The following MAN1A1 variants were observed in gnomAD, a reference collection of about 807,000 sequenced individuals.
MAN1A1 encodes mannosyl-oligosaccharide 1,2-alpha-mannosidase IA.
A neutral mutation model predicts 70.8 loss-of-function variants in MAN1A1; 29 were observed. That is an observed-to-expected ratio of 0.41 (90% CI 0.31 to 0.56). MAN1A1 has a LOEUF of 0.56. Among genes scored for constraint, MAN1A1 ranks in the 20% least tolerant of loss-of-function variants. The pLI is 0.29. For missense variants in MAN1A1, 747 were observed against 841.3 expected (o/e 0.89, Z 1.39); for synonymous variants, 349 against 330.1 (o/e 1.06, Z -0.62).
chr6:119,350,299 T>A (rs1433101573), upstream of MAN1A1, among the ~76,000 whole-genome samples: 1 of 152,148 alleles, frequency 6.6e-6, no homozygotes. Flanking sequence ...AAGGCCGGGG[T>A]TCCCCGGGTG....
At chr6:119,323,907 A>G (rs1160107282) in intron 2 of MAN1A1, among the ~76,000 whole-genome samples, 1 of 152,208 alleles carries the variant, frequency 6.6e-6, no homozygotes, top group Non-Finnish European at 1.5e-5. Flanking sequence ...AGCCTTATAT[A>G]ATATTCAGAA....
intron 6 of MAN1A1, among the ~76,000 whole-genome samples, chr6:119,221,132 G>C (rs1774348892): frequency 6.6e-6 from 1 of 150,936 alleles, no homozygotes; most frequent in Non-Finnish European, 1.5e-5. Context: ...AAATTTCTGA[G>C]CATAAAATAA....
intron 5 of MAN1A1, among the ~76,000 whole-genome samples, chr6:119,271,030 G>C (rs971108589): frequency 7.2e-5 from 11 of 152,016 alleles, no homozygotes; most frequent in African/African-American, 2.7e-4. Context: ...TTTTCCAGGG[G>C]AAAAAGATGC....
In MAN1A1 at chr6:119,177,686, A is replaced by G. The variant is rs1396901826; in HGVS notation, c.*2133T>C. On this transcript the variant is annotated 3_prime_UTR_variant, in exon 13 of 13. Transcript: ENST00000368468. ...TTTTTGGTGTTTTGGGACTTTTGTTAAAAAAAAATCCAAGTTCTAGAATTG... is the reference window on the plus strand; with the variant it reads ...TTTTTGGTGTTTTGGGACTTTTGTTGAAAAAAAATCCAAGTTCTAGAATTG... The G allele has an allele frequency of 6.6e-6, 1 of 151,314 alleles. No homozygotes were observed. Among genetic ancestry groups the G allele is most frequent in the African/African-American group, 2.4e-5 (1 of 41,260 alleles). 9.4% of individuals were successfully genotyped at this position (151,314 alleles called of 1,614,324 possible). A position where few individuals can be genotyped will look rare whatever the true frequency, so the allele number is the denominator to read the frequency against.
rs144596967 is a variant in MAN1A1 at position 119,305,799 on chromosome 6, G to A, written c.700+1097C>T. Among the ~76,000 whole-genome samples, 721 of 152,220 alleles carry A rather than the reference G, an allele frequency of 4.7e-3. 5 individuals carry two copies. Among genetic ancestry groups the A allele is most frequent in the African/African-American group, 0.016 (675 of 41,516 alleles). ...TGTGTAAAGACCTGTGCAAAGACTC[G>A]TATTATTTTCATTATCACCAGTGCT... On this transcript the variant is annotated intron_variant, in intron 3 of 12. Transcript: ENST00000368468.
At chr6:119,182,368 T>C (rs1351798032) in intron 11 of MAN1A1, among the ~76,000 whole-genome samples, 1 of 152,192 alleles carries the variant, frequency 6.6e-6, no homozygotes, top group African/African-American at 2.4e-5. Flanking sequence ...TGTAGTTTCA[T>C]GTGTTTATGT....
At chr6:119,254,268 G>A (rs754218617) in intron 5 of MAN1A1, among the ~76,000 whole-genome samples, 16 of 152,206 alleles carry the variant, frequency 1.1e-4, no homozygotes, top group Non-Finnish European at 1.6e-4. Flanking sequence ...ATGATGGAGA[G>A]AGCCCCGGAC....
rs575717565 is a variant in MAN1A1, at chr6:119,177,426, A to G, written c.*2393T>C. 13 of 152,240 alleles carry G rather than the reference A, an allele frequency of 8.5e-5. No homozygotes were observed. The East Asian group carries it at 2.5e-3, about 29-fold the overall frequency. 9.4% of individuals were successfully genotyped at this position (152,240 alleles called of 1,614,324 possible). A position where few individuals can be genotyped will look rare whatever the true frequency, so the allele number is the denominator to read the frequency against. On this transcript the variant is annotated 3_prime_UTR_variant, in exon 13 of 13. Transcript: ENST00000368468. ...CATTGAGTTCTGTAAACTGCCATAC[A>G]ACTTACATGTGTAATATTAATTGCA...
rs116026339 is a variant in MAN1A1, at chr6:119,331,821, C to G, written c.603+16642G>C. The G allele has an allele frequency of 3.6e-3, 1,037 of 289,544 alleles. 7 individuals carry two copies. The highest frequency in any genetic ancestry group is 0.022 in the African/African-American group (965 of 44,374). The allele number at this position is 289,544 out of a possible 1,614,324, so 17.9% of individuals were successfully genotyped here. A position where few individuals can be genotyped will look rare whatever the true frequency, so the allele number is the denominator to read the frequency against. Reference sequence around the variant, plus strand: ...GCAGAGGAGTGACTGCAACAGGAGTCCTGATTCTTTATTCAAGGTGGGTAA... The same window carrying G: ...GCAGAGGAGTGACTGCAACAGGAGTGCTGATTCTTTATTCAAGGTGGGTAA... On this transcript the variant is annotated intron_variant, in intron 2 of 12. Coordinates refer to ENST00000368468, the MANE Select transcript of MAN1A1 (RefSeq NM_005907.4).
intron 2 of MAN1A1, among the ~76,000 whole-genome samples, chr6:119,311,574 C>A (rs1227218825): frequency 6.6e-6 from 1 of 152,014 alleles, no homozygotes; most frequent in Non-Finnish European, 1.5e-5. Flanking sequence ...AAAGACAGGA[C>A]CACAGAGGCA....
intron 2 of MAN1A1, among the ~76,000 whole-genome samples, chr6:119,341,172 T>G (rs562199016): frequency 6.6e-5 from 10 of 152,286 alleles, no homozygotes; most frequent in African/African-American, 1.9e-4. Context: ...AAGTACCTAA[T>G]GATCACAGAA....
chr6:119,200,736 G>A (rs1773692566), intron 8 of MAN1A1, among the ~76,000 whole-genome samples: 2 of 152,138 alleles, frequency 1.3e-5, no homozygotes, highest in Non-Finnish European at 2.9e-5. Flanking sequence ...CCATCCTAAA[G>A]GTAATTCTAC....
chr6:119,261,989 G>C (rs1236343452), intron 5 of MAN1A1, among the ~76,000 whole-genome samples: 1 of 152,170 alleles, frequency 6.6e-6, no homozygotes, highest in East Asian at 1.9e-4. Context: ...GGTTAAAAGG[G>C]AAATAACAGA....
chr6:119,229,351 C>T (rs2114276537), intron 6 of MAN1A1, among the ~76,000 whole-genome samples: 1 of 152,256 alleles, frequency 6.6e-6, no homozygotes, highest in East Asian at 1.9e-4. Flanking sequence ...GTACATTGCA[C>T]ATTAGCCAGT....
chr6:119,340,850 T>C (rs1435126026), intron 2 of MAN1A1, among the ~76,000 whole-genome samples: 2 of 152,146 alleles, frequency 1.3e-5, no homozygotes, highest in Admixed American at 1.3e-4. Flanking sequence ...TGAGTGTCAC[T>C]TGAATGAACG....
intron 2 of MAN1A1, among the ~76,000 whole-genome samples, chr6:119,329,330 A>G (rs1389823565): frequency 6.6e-6 from 1 of 152,186 alleles, no homozygotes; most frequent in African/African-American, 2.4e-5. Flanking sequence ...AAGACAAAAG[A>G]CTAAGTAGCC....
chr6:119,198,653 A>T (rs1224112372), intron 8 of MAN1A1, among the ~76,000 whole-genome samples: 1 of 152,206 alleles, frequency 6.6e-6, no homozygotes, highest in Non-Finnish European at 1.5e-5. Context: ...ACAAAACAAA[A>T]CAAAAAATTA....
chr6:119,333,213 C>T (rs1408595902), intron 2 of MAN1A1, among the ~76,000 whole-genome samples: 1 of 152,192 alleles, frequency 6.6e-6, no homozygotes, highest in African/African-American at 2.4e-5. Flanking sequence ...ATTAAAGGTC[C>T]ACAAATATGC....
chr6:119,202,215 TTCTTA>T (rs1773732217), intron 7 of MAN1A1, among the ~76,000 whole-genome samples: 1 of 152,188 alleles, frequency 6.6e-6, no homozygotes, highest in African/African-American at 2.4e-5. Context: ...TTTCTTTATA[TTCTTA>T]TAAGTTTTTT....
Sources: allele counts gnomAD v4.1 joint callset (sites outside exome capture counted in the v4.1 genomes callset), GRCh38; gene constraint gnomAD v4.1.1; transcripts MANE v1.5; gene names NCBI Gene and HGNC (gene_info 2026-07-23, HGNC 2026-07-21).